Variants in ELOVL6 observed in about 807,000 individuals in gnomAD.
ELOVL6 encodes very long chain fatty acid elongase 6.
A neutral mutation model predicts 31.7 loss-of-function variants in ELOVL6; 8 were observed. That is an observed-to-expected ratio of 0.25 (90% CI 0.15 to 0.45). The LOEUF (loss-of-function observed/expected upper bound fraction) is 0.45, where lower values mean the gene tolerates loss of function less well. Among genes scored for constraint, ELOVL6 ranks in the 20% least tolerant of loss-of-function variants. The pLI is 1.00. For missense variants in ELOVL6, 126 were observed against 326.4 expected (o/e 0.39, Z 4.73); for synonymous variants, 101 against 117.7 (o/e 0.86, Z 0.92).
intron 1 of ELOVL6, among the ~76,000 whole-genome samples, chr4:110,186,803 CAAAAAA>C (rs397994948): frequency 0.012 from 964 of 82,510 alleles, 17 homozygotes; most frequent in African/African-American, 0.046. Context: ...GACTCTGTCT[CAAAAAA>C]AAAAAAAAAA....
chr4:110,054,419 G>A (rs1050345076), intron 3 of ELOVL6, among the ~76,000 whole-genome samples: 28 of 152,124 alleles, frequency 1.8e-4, no homozygotes, highest in African/African-American at 5.6e-4. Context: ...GGACAATAAC[G>A]CAGACACAAT....
At chr4:110,084,104 T>TATATATCACATATATGTG (rs1560813989) in intron 2 of ELOVL6, among the ~76,000 whole-genome samples, 1 of 88,340 alleles carries the variant, frequency 1.1e-5, no homozygotes, top group Non-Finnish European at 2.2e-5. Context: ...ATATATATGA[T>TATATATCACATATATGTG]ATATATGATA....
intron 2 of ELOVL6, among the ~76,000 whole-genome samples, chr4:110,070,246 GGAACAAA>G (rs1755430604): frequency 6.6e-6 from 1 of 152,020 alleles, no homozygotes; most frequent in Non-Finnish European, 1.5e-5. Flanking sequence ...TTTTCTAATA[GGAACAAA>G]GAACAAAGTT....
chr4:110,052,908 C>T (rs1754871607), intron 3 of ELOVL6, among the ~76,000 whole-genome samples: 1 of 152,242 alleles, frequency 6.6e-6, no homozygotes, highest in Non-Finnish European at 1.5e-5. Context: ...TCAAACCTGG[C>T]TTCTTTTTGT....
At chr4:110,059,517 C>A in intron 3 of ELOVL6, 86 bp downstream of exon 3, 1 of 1,428,250 alleles carries the variant, frequency 7.0e-7, no homozygotes, top group Non-Finnish European at 9.4e-7. Flanking sequence ...AAAATAGGAC[C>A]TTCAAAATGT....
intron 1 of ELOVL6, among the ~76,000 whole-genome samples, chr4:110,157,107 G>A (rs774730153): frequency 2.2e-4 from 34 of 152,144 alleles, no homozygotes; most frequent in Non-Finnish European, 3.1e-4. Context: ...CTGCCCATTT[G>A]GGGTTCTTCT....
intron 2 of ELOVL6, among the ~76,000 whole-genome samples, chr4:110,084,227 T>TATATATAACATATAACTTATATG (rs1553956039): frequency 0.097 from 9,712 of 99,956 alleles, 1,601 homozygotes; most frequent in East Asian, 0.23. Flanking sequence ...ACTTATATGA[T>TATATATAACATATAACTTATATG]ATATATAACA....
intron 1 of ELOVL6, among the ~76,000 whole-genome samples, chr4:110,174,858 G>C (rs1345848512): frequency 6.6e-6 from 1 of 151,960 alleles, no homozygotes; most frequent in Non-Finnish European, 1.5e-5. Context: ...TGCACTAAAT[G>C]AACAACCTAA....
rs554598848 is a variant in ELOVL6, at chr4:110,061,090, G to T, written c.222-1336C>A. Among the ~76,000 whole-genome samples, 218 of 152,280 alleles carry T rather than the reference G, an allele frequency of 1.4e-3. 5 individuals carry two copies. Among genetic ancestry groups the T allele is most frequent in the Non-Finnish European group, 2.6e-4 (18 of 68,016 alleles). ...ATCAAATGGTGTTACTCTTTCCACT[G>T]TATGAAATTGTCCTGCAGAGGATTA... is the stretch of plus-strand genomic sequence containing the variant. On this transcript the variant is annotated intron_variant, in intron 2 of 3. Coordinates refer to ENST00000302274, the MANE Select transcript of ELOVL6 (RefSeq NM_024090.3).
intron 1 of ELOVL6, among the ~76,000 whole-genome samples, chr4:110,110,186 A>C (rs1021342428): frequency 2.0e-5 from 3 of 152,144 alleles, no homozygotes; most frequent in Admixed American, 2.0e-4. Flanking sequence ...AGGGACCCAG[A>C]GACTAGAGGA....
intron 2 of ELOVL6, among the ~76,000 whole-genome samples, chr4:110,083,767 T>A (rs1003128228): frequency 6.7e-6 from 1 of 150,370 alleles, no homozygotes; most frequent in Non-Finnish European, 1.5e-5. Context: ...CCAAAGATGA[T>A]GATGGTGGTG....
intron 2 of ELOVL6, among the ~76,000 whole-genome samples, chr4:110,077,034 G>A (rs1416562147): frequency 6.6e-6 from 1 of 152,206 alleles, no homozygotes; most frequent in African/African-American, 2.4e-5. Flanking sequence ...AGCGAGGCTG[G>A]GAGAGGGGCG....
chr4:110,086,729 A>C (rs1756276674), intron 2 of ELOVL6, among the ~76,000 whole-genome samples: 1 of 152,184 alleles, frequency 6.6e-6, no homozygotes, highest in Non-Finnish European at 1.5e-5. Flanking sequence ...AGAAGAAACA[A>C]AAGTTAGACA....
Position 110,048,643 on chromosome 4 carries a change from G to A in ELOVL6, c.*2695C>T, listed in dbSNP as rs371403454. The A allele has an allele frequency of 3.9e-5, 6 of 152,182 alleles. No individual in the cohort carries two copies. Among genetic ancestry groups the A allele is most frequent in the East Asian group, 1.9e-4 (1 of 5,180 alleles). The allele number at this position is 152,182 out of a possible 1,614,324, so 9.4% of individuals were successfully genotyped here. On this transcript the variant is annotated 3_prime_UTR_variant, in exon 4 of 4. Coordinates refer to ENST00000302274, the MANE Select transcript of ELOVL6 (RefSeq NM_024090.3). ...CCTCATATCTTGATATGATTAAAGC[G>A]GCTAAGCTGAGATGTTAAAAACAGT... is the stretch of plus-strand genomic sequence containing the variant.
chr4:110,061,700 G>T (rs1346947146), intron 2 of ELOVL6, among the ~76,000 whole-genome samples: 1 of 151,816 alleles, frequency 6.6e-6, no homozygotes, highest in Admixed American at 6.6e-5. Flanking sequence ...GGGACTACAG[G>T]CATGCACCAC....
intron 2 of ELOVL6, among the ~76,000 whole-genome samples, chr4:110,084,376 G>GCATATATT (rs1756117772): frequency 4.9e-5 from 2 of 40,536 alleles, no homozygotes; most frequent in African/African-American, 1.8e-4. Context: ...TATGATATAT[G>GCATATATT]ATATATATCG....
chr4:110,057,584 C>T (rs1449976649), intron 3 of ELOVL6, among the ~76,000 whole-genome samples: 1 of 152,012 alleles, frequency 6.6e-6, no homozygotes, highest in Non-Finnish European at 1.5e-5. Context: ...GGCACAGTGG[C>T]TCATGCCTAT....
In ELOVL6 at chr4:110,131,192, G is replaced by C. The variant is rs572259157; in HGVS notation, c.90-25564C>G. On this transcript the variant is annotated intron_variant, in intron 1 of 3. Coordinates refer to ENST00000302274, the MANE Select transcript of ELOVL6 (RefSeq NM_024090.3). ...TCACAGTATGATTCTAATTTACACTGACAGAAACTGAGTTACAGAGAGGTG... is the reference window on the plus strand; with the variant it reads ...TCACAGTATGATTCTAATTTACACTCACAGAAACTGAGTTACAGAGAGGTG... Among the ~76,000 whole-genome samples, 365 of 152,272 alleles carry C rather than the reference G, an allele frequency of 2.4e-3. 2 individuals are homozygous for C. Among genetic ancestry groups the C allele is most frequent in the Non-Finnish European group, 4.5e-3 (305 of 68,026 alleles).
At chr4:110,065,200 T>C (rs978477557) in intron 2 of ELOVL6, among the ~76,000 whole-genome samples, 3 of 152,202 alleles carry the variant, frequency 2.0e-5, no homozygotes, top group African/African-American at 7.2e-5. Flanking sequence ...CATAAACAGA[T>C]GTTGGAATTT....
Sources: allele counts gnomAD v4.1 joint callset (sites outside exome capture counted in the v4.1 genomes callset), GRCh38; gene constraint gnomAD v4.1.1; transcripts MANE v1.5; gene names NCBI Gene and HGNC (gene_info 2026-07-23, HGNC 2026-07-21).